The following UBE2E2 variants were observed in gnomAD, a reference collection of about 807,000 sequenced individuals.
UBE2E2 encodes ubiquitin conjugating enzyme E2 E2, also known as ubiquitin-conjugating enzyme E2 E2.
In UBE2E2, 6 loss-of-function variants were observed where a neutral mutation model predicts 24.7. The ratio of observed to expected loss-of-function variants is 0.24; its 90% confidence interval spans 0.13 to 0.48. UBE2E2 has a LOEUF of 0.48. Ranked by LOEUF, UBE2E2 falls within the 20% of genes least tolerant of loss-of-function variation. The probability of loss-of-function intolerance (pLI) is 0.99; values close to 1 mark genes in which losing one functional copy is unlikely to be tolerated. For synonymous variants in UBE2E2, 104 were observed against 83.6 expected (o/e 1.24, Z -1.33); for missense variants, 169 against 245.0 (o/e 0.69, Z 2.07).
chr3:23,323,519 A>G (rs2125292221), intron 3 of UBE2E2: 1 of 443,298 alleles, frequency 2.3e-6, no homozygotes, highest in Non-Finnish European at 4.5e-6. Context: ...TTTCAGCACC[A>G]ACATAACACT....
At position 23,458,391 on chromosome 3, in the gene UBE2E2, CTGGTGGTGGTGG is replaced by C. The variant is rs781216109; in HGVS notation, c.228-41191_228-41180del. Among the ~76,000 whole-genome samples, 10 of 122,484 alleles carry C rather than the reference CTGGTGGTGGTGG, an allele frequency of 8.2e-5. No homozygotes were observed. In the East Asian group the frequency reaches 1.4e-3, roughly 17 times the overall value. 80.4% of individuals were successfully genotyped at this position (122,484 alleles called of 152,430 possible). A position where few individuals can be genotyped will look rare whatever the true frequency, so the allele number is the denominator to read the frequency against. On this transcript the variant is annotated intron_variant, in intron 3 of 5. Coordinates refer to ENST00000396703, the MANE Select transcript of UBE2E2 (RefSeq NM_152653.4). ...CAACAATCACTGATCAGAGAGATCGCTGGTGGTGGTGGTGGTGGTGGTGGTGGTGGTGGTGGT... is the reference window on the plus strand; with the variant it reads ...CAACAATCACTGATCAGAGAGATCGCTGGTGGTGGTGGTGGTGGTGGTGGT...
At chr3:23,562,312 A>G (rs1178957371) in intron 5 of UBE2E2, among the ~76,000 whole-genome samples, 1 of 152,188 alleles carries the variant, frequency 6.6e-6, no homozygotes, top group Non-Finnish European at 1.5e-5. Context: ...CCTTTTCTGC[A>G]TCTATTGAGA....
At chr3:23,371,016 G>A (rs528298874) in intron 3 of UBE2E2, among the ~76,000 whole-genome samples, 4 of 152,120 alleles carry the variant, frequency 2.6e-5, no homozygotes, top group African/African-American at 9.7e-5. Context: ...AACCAATTGT[G>A]TACTTTTTTA....
chr3:23,330,441 A>G (rs936179878), intron 3 of UBE2E2, among the ~76,000 whole-genome samples: 2 of 152,210 alleles, frequency 1.3e-5, no homozygotes, highest in African/African-American at 4.8e-5. Flanking sequence ...TTTATTCTAT[A>G]GGAGGTAGGT....
At chr3:23,311,616 G>GA (rs898986559) in intron 3 of UBE2E2, among the ~76,000 whole-genome samples, 13 of 151,676 alleles carry the variant, frequency 8.6e-5, no homozygotes, top group Admixed American at 4.6e-4. Context: ...CTTAATCTGG[G>GA]AAAAAAAATG....
intron 3 of UBE2E2, among the ~76,000 whole-genome samples, chr3:23,306,047 C>T (rs769780749): frequency 5.9e-5 from 9 of 152,084 alleles, no homozygotes; most frequent in Non-Finnish European, 1.2e-4. Context: ...TTAGATGAAC[C>T]TTTACAAGTT....
chr3:23,431,482 A>G (rs1018641385), intron 3 of UBE2E2, among the ~76,000 whole-genome samples: 3 of 142,064 alleles, frequency 2.1e-5, no homozygotes, highest in African/African-American at 8.0e-5. Context: ...ACAATATATT[A>G]ATATGGATAG....
rs116881858 is a variant in UBE2E2, at chr3:23,431,328, G to A, written c.228-68280G>A. On this transcript the variant is annotated intron_variant, in intron 3 of 5. Coordinates refer to ENST00000396703, the MANE Select transcript of UBE2E2 (RefSeq NM_152653.4). The stretch of plus-strand genomic sequence containing the variant: ...ATTTATTTTGTTTAATGTGATTGAG[G>A]TCCACTGGGGTCATGCTTAGTGAGC... Among the ~76,000 whole-genome samples the A allele has an allele frequency of 6.1e-4, 93 of 152,244 alleles. 1 individual carries two copies. In the East Asian group the frequency reaches 0.013, roughly 20 times the overall value.
Position 23,239,244 on chromosome 3 carries a change from TAAG to T in UBE2E2, c.227+21936_227+21938del, listed in dbSNP as rs1223062778. On this transcript the variant is annotated intron_variant, in intron 3 of 5. Transcript: ENST00000396703. Reference sequence around the variant, plus strand: ...GTAATAGGACTCTTGTCTCATGCCCTAAGAAGGACTTCAGGCTGCCCATTTAAA... The same window carrying T: ...GTAATAGGACTCTTGTCTCATGCCCTAAGGACTTCAGGCTGCCCATTTAAA... 3.3e-5 allele frequency among the ~76,000 whole-genome samples: 5 copies of T among 152,292 alleles called. No homozygotes were observed. In the South Asian group the frequency reaches 1.0e-3, roughly 32 times the overall value.
intron 3 of UBE2E2, among the ~76,000 whole-genome samples, chr3:23,222,464 TGG>T (rs1020954469): frequency 6.6e-6 from 1 of 152,204 alleles, no homozygotes; most frequent in African/African-American, 2.4e-5. Flanking sequence ...AATTGAATCA[TGG>T]GGGTGGTATC....
intron 3 of UBE2E2, among the ~76,000 whole-genome samples, chr3:23,352,004 G>A (rs143626577): frequency 0.029 from 4,382 of 152,200 alleles, 109 homozygotes; most frequent in East Asian, 0.13. Context: ...CTCAGCAAAT[G>A]TAAAAGAACA....
intron 4 of UBE2E2, among the ~76,000 whole-genome samples, chr3:23,519,280 A>G (rs1282227318): frequency 6.6e-6 from 1 of 151,936 alleles, no homozygotes; most frequent in Non-Finnish European, 1.5e-5. Context: ...TTCCTTTATA[A>G]CAAATGCTTA....
intron 3 of UBE2E2, among the ~76,000 whole-genome samples, chr3:23,364,639 G>A (rs1286174556): frequency 6.6e-6 from 1 of 152,058 alleles, no homozygotes; most frequent in African/African-American, 2.4e-5. Context: ...TAAAAAGCCT[G>A]CCAATCACAA....
intron 3 of UBE2E2, among the ~76,000 whole-genome samples, chr3:23,329,803 C>T (rs190144241): frequency 6.6e-6 from 1 of 152,314 alleles, no homozygotes; most frequent in Admixed American, 6.5e-5. Context: ...CCCAGGAAAT[C>T]CCCACCATCT....
intron 3 of UBE2E2, among the ~76,000 whole-genome samples, chr3:23,261,218 T>G (rs978847440): frequency 1.3e-5 from 2 of 152,142 alleles, no homozygotes; most frequent in African/African-American, 4.8e-5. Context: ...CTGAAAGTCT[T>G]TTAAAAAGTA....
intron 3 of UBE2E2, among the ~76,000 whole-genome samples, chr3:23,337,139 CAAAAA>C (rs1053628403): frequency 5.4e-5 from 4 of 74,264 alleles, no homozygotes; most frequent in Non-Finnish European, 2.8e-5. Flanking sequence ...GAGCCTGTCT[CAAAAA>C]AAAAAAAAAA....
rs1696017747 is a variant in UBE2E2, at chr3:23,203,381, A to C, written c.-92A>C. On this transcript the variant is annotated 5_prime_UTR_variant, in exon 1 of 6. Transcript: ENST00000396703. ...GACATCCCGTCCCTGGGGCCTCCCC[A>C]GTCTCCCTCCCCCTCGCGCCTGGGC... 14 of 983,724 alleles carry C rather than the reference A, an allele frequency of 1.4e-5. No individual in the cohort carries two copies. Among genetic ancestry groups the C allele is most frequent in the Admixed American group, 1.2e-4 (2 of 16,100 alleles). 60.9% of individuals were successfully genotyped at this position (983,724 alleles called of 1,614,324 possible).
At chr3:23,494,024 CATTT>C (rs1260489052) in intron 3 of UBE2E2, among the ~76,000 whole-genome samples, 1 of 152,178 alleles carries the variant, frequency 6.6e-6, no homozygotes, top group Non-Finnish European at 1.5e-5. Flanking sequence ...AAAAATTACA[CATTT>C]ACCCAGGTCC....
intron 3 of UBE2E2, among the ~76,000 whole-genome samples, chr3:23,384,646 A>C (rs1401920647): frequency 6.6e-6 from 1 of 151,914 alleles, no homozygotes; most frequent in Non-Finnish European, 1.5e-5. Context: ...GGGTTCAAGC[A>C]ATTCTCTTGC....
Sources: gnomAD v4.1 joint callset for allele counts (sites outside exome capture counted in the v4.1 genomes callset) on GRCh38, gnomAD v4.1.1 for gene constraint, MANE v1.5 for transcripts, NCBI Gene and HGNC (gene_info 2026-07-23, HGNC 2026-07-21) for gene names.